The following AGBL4 variants were observed in gnomAD, a reference collection of about 807,000 sequenced individuals.
AGBL4 encodes the protein AGBL carboxypeptidase 4.
Under a neutral mutation model 66.4 loss-of-function variants are expected in AGBL4, and 58 were observed. That is an observed-to-expected ratio of 0.87 (90% confidence interval 0.71 to 1.09). The LOEUF is 1.09. Among genes scored for constraint, AGBL4 ranks in the 50% least tolerant of loss-of-function variants. The pLI is 0.00. For synonymous variants in AGBL4, 234 were observed against 222.9 expected (o/e 1.05, Z -0.44); for missense variants, 579 against 631.0 (o/e 0.92, Z 0.88).
intron 4 of AGBL4, among the ~76,000 whole-genome samples, chr1:49,188,675 C>A (rs1374760292): frequency 6.6e-6 from 1 of 152,058 alleles, no homozygotes; most frequent in Admixed American, 6.6e-5. Flanking sequence ...TCTTAGGGAG[C>A]ATGAAATTTA....
chr1:49,237,732 A>G (rs1351982286), intron 4 of AGBL4, among the ~76,000 whole-genome samples: 1 of 151,682 alleles, frequency 6.6e-6, no homozygotes, highest in African/African-American at 2.4e-5. Context: ...TTTTTGCTTC[A>G]ATATAAGGCA....
At chr1:49,912,989 C>T (rs989894055) in intron 1 of AGBL4, among the ~76,000 whole-genome samples, 6 of 152,302 alleles carry the variant, frequency 3.9e-5, no homozygotes, top group South Asian at 2.1e-4. Context: ...ACTGTTATAA[C>T]GACAATTAAA....
At chr1:49,520,778 T>C (rs950263756) in intron 3 of AGBL4, among the ~76,000 whole-genome samples, 2 of 151,698 alleles carry the variant, frequency 1.3e-5, no homozygotes, top group Non-Finnish European at 2.9e-5. Flanking sequence ...GCTTTCAATG[T>C]AGAAGTTTAT....
intron 4 of AGBL4, among the ~76,000 whole-genome samples, chr1:49,183,580 T>C (rs1646965819): frequency 6.6e-6 from 1 of 152,144 alleles, no homozygotes; most frequent in African/African-American, 2.4e-5. Flanking sequence ...CCTCATCATC[T>C]ATGAGGTGAA....
At position 48,668,385 on chromosome 1, in the gene AGBL4, C is replaced by T. The variant is rs899991041; in HGVS notation, c.635-5144G>A. On this transcript the variant is annotated intron_variant, in intron 6 of 13. Transcript: ENST00000371839. ...ACCACTTCCTCTGCATAAAACCCTT[C>T]AGCAGTGCTCTATTGTTTGCAGAGC... is the stretch of plus-strand genomic sequence containing the variant. Among the ~76,000 whole-genome samples the T allele has an allele frequency of 2.3e-4, 35 of 151,404 alleles. 1 individual carries two copies. The highest frequency in any genetic ancestry group is 2.2e-3 in the Admixed American group (34 of 15,152).
At chr1:49,516,066 C>T (rs1190569797) in intron 3 of AGBL4, among the ~76,000 whole-genome samples, 1 of 150,272 alleles carries the variant, frequency 6.7e-6, no homozygotes, top group East Asian at 1.9e-4. Flanking sequence ...TCAAGACTGC[C>T]CCCCCCCACA....
intron 3 of AGBL4, among the ~76,000 whole-genome samples, chr1:49,696,366 T>C (rs1217607034): frequency 2.0e-5 from 3 of 152,148 alleles, no homozygotes; most frequent in Admixed American, 6.6e-5. Context: ...AAACGTGCAC[T>C]ATTAAAAAAA....
intron 2 of AGBL4, among the ~76,000 whole-genome samples, chr1:49,738,026 G>T (rs1451713370): frequency 6.6e-6 from 1 of 152,186 alleles, no homozygotes; most frequent in Non-Finnish European, 1.5e-5. Flanking sequence ...GAGGTACCAG[G>T]TTCATTTCAC....
chr1:49,739,904 A>G (rs1049195079), intron 2 of AGBL4, among the ~76,000 whole-genome samples: 3 of 152,340 alleles, frequency 2.0e-5, no homozygotes, highest in Admixed American at 6.5e-5. Context: ...TGAAGGAAGC[A>G]CTAAACATGG....
chr1:49,607,021 C>A (rs1363271233), intron 3 of AGBL4, among the ~76,000 whole-genome samples: 1 of 152,102 alleles, frequency 6.6e-6, no homozygotes, highest in Non-Finnish European at 1.5e-5. Flanking sequence ...AGCTTGACCT[C>A]CTCCTATCCA....
chr1:49,256,615 T>A (rs935673883), intron 3 of AGBL4, among the ~76,000 whole-genome samples: 1 of 152,164 alleles, frequency 6.6e-6, no homozygotes, highest in African/African-American at 2.4e-5. Flanking sequence ...TAAAAACCCA[T>A]TGGAAGTGTC....
intron 5 of AGBL4, among the ~76,000 whole-genome samples, chr1:49,023,901 C>A (rs1033883183): frequency 8.5e-5 from 13 of 152,096 alleles, no homozygotes; most frequent in African/African-American, 3.1e-4. Flanking sequence ...ATCAGGTTTT[C>A]TTAATAGCTT....
intron 4 of AGBL4, among the ~76,000 whole-genome samples, chr1:49,206,810 C>T (rs945503822): frequency 7.2e-6 from 1 of 139,766 alleles, no homozygotes; most frequent in African/African-American, 2.7e-5. Context: ...AGGACTAGGA[C>T]CAATGGGTGA....
At chr1:49,311,500 A>G (rs528473949) in intron 3 of AGBL4, among the ~76,000 whole-genome samples, 1 of 152,052 alleles carries the variant, frequency 6.6e-6, no homozygotes, top group Non-Finnish European at 1.5e-5. Flanking sequence ...AAACATGATA[A>G]AAATACTTTA....
chr1:49,263,572 T>C (rs995071601), intron 3 of AGBL4, among the ~76,000 whole-genome samples: 21 of 152,146 alleles, frequency 1.4e-4, no homozygotes, highest in African/African-American at 4.8e-4. Flanking sequence ...AAATATAAAT[T>C]AAGAAAATAA....
At chr1:49,515,272 A>C (rs1418044863) in intron 3 of AGBL4, among the ~76,000 whole-genome samples, 2 of 152,162 alleles carry the variant, frequency 1.3e-5, no homozygotes, top group African/African-American at 2.4e-5. Flanking sequence ...ATGCAGCCAA[A>C]AGACGCATGA....
At chr1:48,608,661 A>C (rs906563141) in intron 9 of AGBL4, among the ~76,000 whole-genome samples, 18 of 152,180 alleles carry the variant, frequency 1.2e-4, no homozygotes, top group Admixed American at 5.9e-4. Context: ...CACATAACAG[A>C]GTTAGAAACA....
intron 6 of AGBL4, among the ~76,000 whole-genome samples, chr1:48,695,571 A>T (rs1646701688): frequency 6.6e-6 from 1 of 151,872 alleles, no homozygotes; most frequent in Non-Finnish European, 1.5e-5. Flanking sequence ...CTCCCCTTTA[A>T]CCAGTTCTAT....
At chr1:49,362,064 A>T (rs1348585802) in intron 3 of AGBL4, among the ~76,000 whole-genome samples, 3 of 152,182 alleles carry the variant, frequency 2.0e-5, no homozygotes, top group Non-Finnish European at 4.4e-5. Context: ...GGACAAAAAA[A>T]AATAGTCAAC....
Sources: allele counts gnomAD v4.1 joint callset (sites outside exome capture counted in the v4.1 genomes callset), GRCh38; gene constraint gnomAD v4.1.1; transcripts MANE v1.5; gene names NCBI Gene and HGNC (gene_info 2026-07-23, HGNC 2026-07-21).